Variants in TACR3 observed in about 807,000 individuals in gnomAD.
The protein encoded by TACR3 is neuromedin-K receptor.
Under a neutral mutation model 35.0 loss-of-function variants are expected in TACR3, and 34 were observed. That is an observed-to-expected ratio of 0.97 (90% CI 0.74 to 1.30). The LOEUF (loss-of-function observed/expected upper bound fraction) is 1.30, where lower values mean the gene tolerates loss of function less well. TACR3 is among the 50% of genes most tolerant of loss of function. TACR3 has a pLI of 0.00. For missense variants in TACR3, 558 were observed against 591.7 expected (o/e 0.94, Z 0.59); for synonymous variants, 233 against 221.1 (o/e 1.05, Z -0.48).
At chr4:103,663,393 T>C (rs1464199809) in intron 1 of TACR3, among the ~76,000 whole-genome samples, 4 of 151,998 alleles carry the variant, frequency 2.6e-5, no homozygotes, top group African/African-American at 9.7e-5. Context: ...ACTCAAGAGG[T>C]TGAGGTATGA....
intron 3 of TACR3, among the ~76,000 whole-genome samples, chr4:103,609,699 C>T (rs893196189): frequency 6.6e-6 from 1 of 151,980 alleles, no homozygotes; most frequent in African/African-American, 2.4e-5. Flanking sequence ...AACATGGTAA[C>T]TTATTCTTCC....
At chr4:103,597,536 T>C (rs1275691571) in intron 3 of TACR3, among the ~76,000 whole-genome samples, 1 of 152,118 alleles carries the variant, frequency 6.6e-6, no homozygotes, top group Admixed American at 6.6e-5. Flanking sequence ...ACATGTGCCA[T>C]GTTGGTCTGC....
intron 3 of TACR3, among the ~76,000 whole-genome samples, chr4:103,603,273 G>A (rs556978294): frequency 2.0e-5 from 3 of 152,266 alleles, no homozygotes; most frequent in East Asian, 1.9e-4. Flanking sequence ...GGAGTGACCC[G>A]ATTTTCCAGG....
chr4:103,713,751 A>C (rs974650149), intron 1 of TACR3, among the ~76,000 whole-genome samples: 2 of 152,190 alleles, frequency 1.3e-5, no homozygotes. Context: ...ATAAAGAAGA[A>C]GAAAACAGGC....
intron 3 of TACR3, among the ~76,000 whole-genome samples, chr4:103,633,762 C>T (rs566238009): frequency 5.3e-5 from 8 of 152,164 alleles, no homozygotes; most frequent in Middle Eastern, 3.4e-3. Context: ...TCAGTTGAAT[C>T]GTTTAAAAAA....
At chr4:103,652,031 C>G (rs938939752) in intron 3 of TACR3, among the ~76,000 whole-genome samples, 2 of 151,980 alleles carry the variant, frequency 1.3e-5, no homozygotes, top group Non-Finnish European at 2.9e-5. Flanking sequence ...CCTTTTGAAC[C>G]CATGAGCCCT....
chr4:103,639,698 CAGAG>C (rs1725304816), intron 3 of TACR3, among the ~76,000 whole-genome samples: 1 of 151,892 alleles, frequency 6.6e-6, no homozygotes, highest in African/African-American at 2.4e-5. Context: ...CAGTATAATA[CAGAG>C]AGAAAGAACA....
chr4:103,660,062 GAATA>G (rs1337285090), intron 1 of TACR3, among the ~76,000 whole-genome samples: 4 of 151,940 alleles, frequency 2.6e-5, no homozygotes, highest in African/African-American at 7.2e-5. Flanking sequence ...TTAACCTTAA[GAATA>G]AATATTTCAA....
At chr4:103,706,191 A>T (rs898455698) in intron 1 of TACR3, among the ~76,000 whole-genome samples, 9 of 152,272 alleles carry the variant, frequency 5.9e-5, no homozygotes, top group Non-Finnish European at 1.3e-4. Context: ...TGGAGGTAAG[A>T]TGATGGGTTT....
At chr4:103,711,918 C>G (rs1322611738) in intron 1 of TACR3, among the ~76,000 whole-genome samples, 2 of 152,116 alleles carry the variant, frequency 1.3e-5, no homozygotes, top group Admixed American at 6.5e-5. Context: ...AATAAAATAC[C>G]TAGGAATCCA....
intron 3 of TACR3, among the ~76,000 whole-genome samples, chr4:103,622,662 G>A (rs1724809068): frequency 6.6e-6 from 1 of 152,188 alleles, no homozygotes; most frequent in Non-Finnish European, 1.5e-5. Flanking sequence ...CCGGGAAGCG[G>A]AGCTTGCAGT....
chr4:103,617,457 T>C (rs1724685208), intron 3 of TACR3, among the ~76,000 whole-genome samples: 1 of 152,202 alleles, frequency 6.6e-6, no homozygotes, highest in Non-Finnish European at 1.5e-5. Flanking sequence ...TCCAAGACTA[T>C]AGCTCTAGAA....
chr4:103,618,599 A>C (rs1319305224), intron 3 of TACR3, among the ~76,000 whole-genome samples: 1 of 53,932 alleles, frequency 1.9e-5, no homozygotes, highest in Non-Finnish European at 3.4e-5. Context: ...TTTGTTCCAT[A>C]TGAATTTTAG....
rs530949917 is a variant in TACR3, at chr4:103,595,912, C to T, written c.889-4229G>A. Among the ~76,000 whole-genome samples, 17 of 127,180 alleles carry T rather than the reference C, an allele frequency of 1.3e-4. No individual in the cohort carries two copies. The South Asian group carries it at 1.5e-3, about 11-fold the overall frequency. The allele number at this position is 127,180 out of a possible 152,430, so 83.4% of individuals were successfully genotyped here. On this transcript the variant is annotated intron_variant, in intron 3 of 4. Transcript: ENST00000304883. ...CTATCCCTCCCCCCTCCCCCCACCC[C>T]ACAACAGTCCCCAGAGTGTGATGTT...
chr4:103,719,698 A>C lies in TACR3; in HGVS notation c.-23T>G, dbSNP rs1578272678. 6.2e-7 allele frequency: 1 copy of C among 1,604,274 alleles called. No homozygotes were observed. Among genetic ancestry groups the C allele is most frequent in the Non-Finnish European group, 8.5e-7 (1 of 1,179,818 alleles). On this transcript the variant is annotated 5_prime_UTR_variant, in exon 1 of 5. Coordinates refer to ENST00000304883, the MANE Select transcript of TACR3 (RefSeq NM_001059.3). ...CATCGCCACCGGTCTGCAGTCCCGG[A>C]CCCTCCCACTCACCCACGGGCAGCC...
At chr4:103,714,241 T>C (rs905025868) in intron 1 of TACR3, among the ~76,000 whole-genome samples, 1 of 152,138 alleles carries the variant, frequency 6.6e-6, no homozygotes, top group African/African-American at 2.4e-5. Flanking sequence ...ACTTTTCTGT[T>C]GTGGTTAATA....
intron 3 of TACR3, among the ~76,000 whole-genome samples, chr4:103,629,275 G>C (rs1278822767): frequency 6.6e-6 from 1 of 152,026 alleles, no homozygotes; most frequent in Non-Finnish European, 1.5e-5. Context: ...ACATAGTGTT[G>C]GAAGTTCTGG....
At chr4:103,680,226 T>C (rs986810132) in intron 1 of TACR3, among the ~76,000 whole-genome samples, 6 of 151,598 alleles carry the variant, frequency 4.0e-5, no homozygotes, top group Non-Finnish European at 8.8e-5. Context: ...GCTTGGGTAC[T>C]TTTTATTGTT....
At chr4:103,600,639 C>G (rs965078894) in intron 3 of TACR3, among the ~76,000 whole-genome samples, 1 of 152,138 alleles carries the variant, frequency 6.6e-6, no homozygotes, top group Non-Finnish European at 1.5e-5. Context: ...GAATGTGTCC[C>G]AGAGATTCTG....
Sources: gnomAD v4.1 joint callset for allele counts (sites outside exome capture counted in the v4.1 genomes callset) on GRCh38, gnomAD v4.1.1 for gene constraint, MANE v1.5 for transcripts, NCBI Gene and HGNC (gene_info 2026-07-23, HGNC 2026-07-21) for gene names.